SRPK2: variants seen among roughly 807,000 people sequenced by gnomAD.
SRPK2 encodes SRSF protein kinase 2.
A neutral mutation model predicts 90.8 loss-of-function variants in SRPK2; 21 were observed. The observed-to-expected ratio is 0.23, with a 90% CI of 0.16 to 0.33. The LOEUF is 0.33. Ranked by LOEUF, SRPK2 falls within the 10% of genes least tolerant of loss-of-function variation. SRPK2 has a pLI of 1.00. For synonymous variants in SRPK2, 288 were observed against 311.1 expected (o/e 0.93, Z 0.78); for missense variants, 620 against 869.0 (o/e 0.71, Z 3.60).
chr7:105,243,428 T>C (rs544276824), intron 2 of SRPK2, among the ~76,000 whole-genome samples: 1 of 152,076 alleles, frequency 6.6e-6, no homozygotes, highest in African/African-American at 2.4e-5. Context: ...TCCCAACACT[T>C]TGGGAGGACA....
At chr7:105,181,880 G>GCA (rs1792867776) in intron 3 of SRPK2, among the ~76,000 whole-genome samples, 1 of 67,526 alleles carries the variant, frequency 1.5e-5, no homozygotes, top group African/African-American at 4.1e-5. Flanking sequence ...TAAGATAAAA[G>GCA]TAAAAAAAAA....
At chr7:105,265,693 G>A (rs1804967209) in intron 2 of SRPK2, among the ~76,000 whole-genome samples, 1 of 151,826 alleles carries the variant, frequency 6.6e-6, no homozygotes. Flanking sequence ...AATGTGTCTA[G>A]CACCGACTCT....
rs971277018 is a variant in SRPK2, at chr7:105,343,896, G to A, written c.71+44752C>T. ...TCCTGCCTCAGCCTCCCAAGTAGCTGGGATTACAGGCATGCGCCACCACAC... is the reference window on the plus strand; with the variant it reads ...TCCTGCCTCAGCCTCCCAAGTAGCTAGGATTACAGGCATGCGCCACCACAC... On this transcript the variant is annotated intron_variant, in intron 2 of 15. Coordinates refer to ENST00000393651, the MANE Select transcript of SRPK2 (RefSeq NM_182692.3). Among the ~76,000 whole-genome samples, 4 of 151,614 alleles carry A rather than the reference G, an allele frequency of 2.6e-5. No individual in the cohort carries two copies. In the South Asian group the frequency reaches 6.3e-4, roughly 24 times the overall value.
intron 2 of SRPK2, among the ~76,000 whole-genome samples, chr7:105,275,357 T>A (rs1303005906): frequency 6.6e-6 from 1 of 152,220 alleles, no homozygotes; most frequent in Non-Finnish European, 1.5e-5. Context: ...TTGAAACAAC[T>A]AATCATCTGG....
rs147128036 is a variant in SRPK2, at chr7:105,184,697, T to G, written c.230-15432A>C. Reference sequence around the variant, plus strand: ...TTTGTATAATGAAGGTCAGTTTGGCTGGATGTAAAATATTTGACTGACATT... The same window carrying G: ...TTTGTATAATGAAGGTCAGTTTGGCGGGATGTAAAATATTTGACTGACATT... On this transcript the variant is annotated intron_variant, in intron 3 of 15. Transcript: ENST00000393651. Among the ~76,000 whole-genome samples, 145 of 152,344 alleles carry G rather than the reference T, an allele frequency of 9.5e-4. 1 individual carries two copies. Among genetic ancestry groups the G allele is most frequent in the African/African-American group, 3.4e-3 (141 of 41,582 alleles).
At chr7:105,379,763 G>A (rs1406155769) in intron 2 of SRPK2, among the ~76,000 whole-genome samples, 3 of 152,154 alleles carry the variant, frequency 2.0e-5, no homozygotes, top group Non-Finnish European at 4.4e-5. Context: ...CAGATCACAA[G>A]GTCAGGAGAT....
chr7:105,146,713 CT>C, intron 7 of SRPK2, 55 bp from the exon 8 acceptor site: 1 of 1,540,224 alleles, frequency 6.5e-7, no homozygotes, highest in Non-Finnish European at 8.9e-7. Flanking sequence ...CATTATATAA[CT>C]TTTATTTATT....
intron 2 of SRPK2, among the ~76,000 whole-genome samples, chr7:105,354,404 C>T (rs965038542): frequency 2.6e-5 from 4 of 152,184 alleles, no homozygotes; most frequent in Non-Finnish European, 5.9e-5. Flanking sequence ...GGCTGTGGGT[C>T]CTTTCCCCTA....
chr7:105,309,007 C>G (rs2131360706), intron 2 of SRPK2, among the ~76,000 whole-genome samples: 1 of 152,134 alleles, frequency 6.6e-6, no homozygotes, highest in South Asian at 2.1e-4. Flanking sequence ...GGCCCCAGTC[C>G]TTTGCTTCGA....
At chr7:105,361,207 G>C (rs1211450083) in intron 2 of SRPK2, among the ~76,000 whole-genome samples, 1 of 152,070 alleles carries the variant, frequency 6.6e-6, no homozygotes, top group African/African-American at 2.4e-5. Context: ...CAAATCATGA[G>C]TGAACTCCCA....
At chr7:105,116,021 TAA>T (rs1799602124), downstream of SRPK2, among the ~76,000 whole-genome samples, 1 of 152,178 alleles carries the variant, frequency 6.6e-6, no homozygotes, top group Non-Finnish European at 1.5e-5. Context: ...CTCACAGTGG[TAA>T]TGTGATATAA....
At chr7:105,198,786 T>C (rs1198866867) in intron 3 of SRPK2, among the ~76,000 whole-genome samples, 1 of 152,186 alleles carries the variant, frequency 6.6e-6, no homozygotes, top group Non-Finnish European at 1.5e-5. Flanking sequence ...GTATTAACAT[T>C]AATATAATAT....
rs191435492 is a variant in SRPK2 at position 105,205,795 on chromosome 7, G to A, written c.72-2010C>T. ...AGGTTTGAGATGACGTCCAAAAGAA[G>A]CACAACCCACTCTTCAGGGGTGTGG... On this transcript the variant is annotated intron_variant, in intron 2 of 15. Transcript: ENST00000393651. Among the ~76,000 whole-genome samples, 322 of 152,232 alleles carry A rather than the reference G, an allele frequency of 2.1e-3. 1 individual carries two copies. The highest frequency in any genetic ancestry group is 4.0e-3 in the Non-Finnish European group (274 of 68,012).
At chr7:105,358,940 A>G (rs994181189) in intron 2 of SRPK2, among the ~76,000 whole-genome samples, 5 of 151,792 alleles carry the variant, frequency 3.3e-5, no homozygotes, top group African/African-American at 1.2e-4. Flanking sequence ...AGAGAGAGAG[A>G]GAGAGAGAAA....
intron 2 of SRPK2, among the ~76,000 whole-genome samples, chr7:105,239,147 AC>A (rs1800496570): frequency 6.6e-6 from 1 of 152,166 alleles, no homozygotes; most frequent in Non-Finnish European, 1.5e-5. Flanking sequence ...AGGAAACCCT[AC>A]TCTAGAAATA....
At chr7:105,222,331 G>A (rs906303906) in intron 2 of SRPK2, among the ~76,000 whole-genome samples, 7 of 152,152 alleles carry the variant, frequency 4.6e-5, no homozygotes, top group Non-Finnish European at 1.0e-4. Context: ...GAGAGACATC[G>A]TACCAACAAA....
intron 2 of SRPK2, among the ~76,000 whole-genome samples, chr7:105,313,625 C>T (rs893078530): frequency 6.6e-6 from 1 of 151,880 alleles, no homozygotes; most frequent in African/African-American, 2.4e-5. Flanking sequence ...GCGTCGTGGA[C>T]CTGTAATCCC....
At chr7:105,273,214 C>CAA (rs776610794) in intron 2 of SRPK2, among the ~76,000 whole-genome samples, 9 of 131,110 alleles carry the variant, frequency 6.9e-5, no homozygotes, top group African/African-American at 1.7e-4. Flanking sequence ...GACTCCGTCT[C>CAA]AAAAAAAAAA....
At chr7:105,325,341 T>G (rs1018697918) in intron 2 of SRPK2, among the ~76,000 whole-genome samples, 12 of 152,142 alleles carry the variant, frequency 7.9e-5, no homozygotes, top group African/African-American at 2.9e-4. Context: ...CTTTGTGAAA[T>G]TAAGAGCTGG....
Sources: allele counts gnomAD v4.1 joint callset (sites outside exome capture counted in the v4.1 genomes callset), GRCh38; gene constraint gnomAD v4.1.1; transcripts MANE v1.5; gene names NCBI Gene and HGNC (gene_info 2026-07-23, HGNC 2026-07-21).